The following KCNN2 variants were observed in gnomAD, a reference collection of about 807,000 sequenced individuals.
KCNN2 encodes potassium calcium-activated channel subfamily N member 2.
In KCNN2, 24 loss-of-function variants were observed where a neutral mutation model predicts 55.5. The observed-to-expected ratio is 0.43, with a 90% confidence interval of 0.31 to 0.61. The LOEUF (loss-of-function observed/expected upper bound fraction) is 0.61. KCNN2 is among the 20% of genes least tolerant of loss of function. KCNN2 has a pLI of 0.08. For missense variants in KCNN2, 754 were observed against 853.6 expected (o/e 0.88, Z 1.45); for synonymous variants, 431 against 336.1 (o/e 1.28, Z -3.09).
At chr5:114,338,116 C>T (rs563909193) in intron 2 of KCNN2, among the ~76,000 whole-genome samples, 2 of 152,238 alleles carry the variant, frequency 1.3e-5, no homozygotes, top group Admixed American at 1.3e-4. Flanking sequence ...TGCATTAAGC[C>T]AACATTGTGC....
intron 5 of KCNN2, among the ~76,000 whole-genome samples, chr5:114,474,593 T>C (rs1409440183): frequency 6.6e-6 from 1 of 152,164 alleles, no homozygotes; most frequent in African/African-American, 2.4e-5. Context: ...GAGATAAAAA[T>C]ATGTGCATAT....
At chr5:114,341,318 A>G (rs1330778385) in intron 2 of KCNN2, among the ~76,000 whole-genome samples, 10 of 152,224 alleles carry the variant, frequency 6.6e-5, no homozygotes, top group Non-Finnish European at 1.5e-4. Context: ...TGGAAGAAGG[A>G]TGTGGATCAG....
chr5:114,421,741 C>G (rs1364469257), intron 3 of KCNN2, among the ~76,000 whole-genome samples: 1 of 151,850 alleles, frequency 6.6e-6, no homozygotes, highest in Non-Finnish European at 1.5e-5. Flanking sequence ...TCCTGAGTAG[C>G]TGGGATTACA....
intron 1 of KCNN2, among the ~76,000 whole-genome samples, chr5:114,146,804 T>C (rs1752408237): frequency 6.6e-6 from 1 of 152,152 alleles, no homozygotes; most frequent in Non-Finnish European, 1.5e-5. Context: ...CTGTAATGGC[T>C]AGAGAAACTA....
At chr5:114,301,052 ATT>A (rs10640846) in intron 2 of KCNN2, among the ~76,000 whole-genome samples, 30 of 150,154 alleles carry the variant, frequency 2.0e-4, no homozygotes, top group African/African-American at 6.4e-4. Flanking sequence ...TTTATTAAAT[ATT>A]TTTTTTTTAA....
In KCNN2 at chr5:114,362,558, GGCAGCAGTACGC is replaced by G. The variant is rs1242600338; in HGVS notation, c.428_439del (p.Tyr143_Gln146del). The G allele has an allele frequency of 2.9e-5, 18 of 613,214 alleles. No homozygotes were observed. The highest frequency in any genetic ancestry group is 2.4e-4 in the South Asian group (10 of 42,356). The allele number at this position is 613,214 out of a possible 1,614,324, so 38.0% of individuals were successfully genotyped here. A position where few individuals can be genotyped will look rare whatever the true frequency, so the allele number is the denominator to read the frequency against. On this transcript the variant is annotated inframe_deletion, in exon 1 of 8. Coordinates refer to ENST00000673685, the MANE Select transcript of KCNN2 (RefSeq NM_021614.4). ...CCGTCCAGCCATGCCAGTGCGCTCC[GGCAGCAGTACGC>G]GCAGCAGTCCGCGCAGCAGTCGGCG...
chr5:114,459,672 C>A (rs1761104243), intron 3 of KCNN2, among the ~76,000 whole-genome samples: 1 of 152,096 alleles, frequency 6.6e-6, no homozygotes, highest in Non-Finnish European at 1.5e-5. Flanking sequence ...TATGAGATGT[C>A]ATTTTTCTAT....
intron 2 of KCNN2, among the ~76,000 whole-genome samples, chr5:114,316,634 T>C (rs1217118911): frequency 6.6e-6 from 1 of 152,210 alleles, no homozygotes; most frequent in Admixed American, 6.5e-5. Flanking sequence ...AATAATGGTG[T>C]ATGAAAAGCT....
chr5:114,292,832 A>G (rs62382902), intron 2 of KCNN2, among the ~76,000 whole-genome samples: 35,838 of 152,110 alleles, frequency 0.24, 5,218 homozygotes, highest in Non-Finnish European at 0.32. Context: ...AGCATGGAAT[A>G]TTCTTACATT....
intron 1 of KCNN2, among the ~76,000 whole-genome samples, chr5:114,200,200 ACT>A (rs1491568898): frequency 6.6e-6 from 1 of 152,078 alleles, no homozygotes; most frequent in Non-Finnish European, 1.5e-5. Context: ...TTTTTAAAAT[ACT>A]TTTTTTTTAT....
At chr5:114,366,604 A>G (rs1262789741) in intron 2 of KCNN2, among the ~76,000 whole-genome samples, 1 of 152,250 alleles carries the variant, frequency 6.6e-6, no homozygotes, top group Admixed American at 6.5e-5. Context: ...ATTTGTCCAG[A>G]GAAGAGCGTC....
At chr5:114,125,983 C>G (rs1751922864) in intron 1 of KCNN2, among the ~76,000 whole-genome samples, 1 of 152,148 alleles carries the variant, frequency 6.6e-6, no homozygotes, top group African/African-American at 2.4e-5. Flanking sequence ...CAGCCCATAA[C>G]AAAGGGTATC....
intron 1 of KCNN2, among the ~76,000 whole-genome samples, chr5:114,122,419 G>T (rs779485743): frequency 5.3e-5 from 8 of 152,124 alleles, no homozygotes; most frequent in Non-Finnish European, 1.2e-4. Context: ...GATTGGAAAA[G>T]AAACCAATAT....
At chr5:114,480,921 A>G (rs1019763804) in intron 5 of KCNN2, among the ~76,000 whole-genome samples, 6 of 152,160 alleles carry the variant, frequency 3.9e-5, no homozygotes, top group African/African-American at 1.4e-4. Flanking sequence ...TAATGGGCAA[A>G]AGCCAGAAGC....
chr5:114,204,036 A>G (rs193286882), intron 1 of KCNN2, among the ~76,000 whole-genome samples: 8 of 152,322 alleles, frequency 5.3e-5, no homozygotes, highest in Non-Finnish European at 1.0e-4. Context: ...ACTACTTTAG[A>G]AAGTCATTTC....
At chr5:114,134,471 A>ATTTATTTG (rs1752131567) in intron 1 of KCNN2, among the ~76,000 whole-genome samples, 1 of 68,402 alleles carries the variant, frequency 1.5e-5, no homozygotes, top group East Asian at 3.3e-4. Flanking sequence ...TTATTTATTT[A>ATTTATTTG]TTTATTTATT....
chr5:114,452,915 G>C (rs1156586927), intron 3 of KCNN2, among the ~76,000 whole-genome samples: 4 of 152,154 alleles, frequency 2.6e-5, no homozygotes, highest in African/African-American at 9.7e-5. Context: ...AATTGAAGCA[G>C]TTATTTTATT....
At chr5:114,449,915 C>T (rs925590437) in intron 3 of KCNN2, among the ~76,000 whole-genome samples, 105 of 151,232 alleles carry the variant, frequency 6.9e-4, no homozygotes, top group East Asian at 6.3e-3. Context: ...CACACGCGCG[C>T]GCTCGCGTGC....
chr5:114,358,093 GTCTT>G (rs1757332077), upstream of KCNN2, among the ~76,000 whole-genome samples: 1 of 150,464 alleles, frequency 6.6e-6, no homozygotes, highest in African/African-American at 2.4e-5. Flanking sequence ...CTGCATAAAT[GTCTT>G]CCTTTATGCA....
Sources: gnomAD v4.1 joint callset for allele counts (sites outside exome capture counted in the v4.1 genomes callset) on GRCh38, gnomAD v4.1.1 for gene constraint, MANE v1.5 for transcripts, NCBI Gene and HGNC (gene_info 2026-07-23, HGNC 2026-07-21) for gene names.